ABL2: variants seen among roughly 807,000 people sequenced by gnomAD.
ABL2 encodes the protein ABL proto-oncogene 2, non-receptor tyrosine kinase.
ABL2 carries 49 observed loss-of-function variants against 107.7 expected under a neutral mutation model. The observed-to-expected ratio is 0.45, with a 90% CI of 0.36 to 0.58. The LOEUF is 0.58. Ranked by LOEUF, ABL2 falls within the 20% of genes least tolerant of loss-of-function variation. ABL2 has a pLI of 0.00. For missense variants in ABL2, 1,245 were observed against 1,457.0 expected (o/e 0.85, Z 2.37); for synonymous variants, 549 against 548.6 (o/e 1.00, Z -0.01).
intron 1 of ABL2, among the ~76,000 whole-genome samples, chr1:179,198,716 AC>A (rs1381704250): frequency 1.3e-5 from 2 of 150,674 alleles, no homozygotes; most frequent in Non-Finnish European, 3.0e-5. Flanking sequence ...AAAAAAAAAA[AC>A]AAAGCCACAT....
chr1:179,184,369 C>T (rs187521524), intron 1 of ABL2: 3 of 714,500 alleles, frequency 4.2e-6, no homozygotes, highest in East Asian at 2.9e-5. Context: ...GGAAAGGATG[C>T]GATGAAACAT....
intron 1 of ABL2, among the ~76,000 whole-genome samples, chr1:179,142,510 TAGG>T (rs1402346472): frequency 1.1e-4 from 16 of 152,348 alleles, no homozygotes; most frequent in African/African-American, 3.8e-4. Flanking sequence ...CAGGTAGTAA[TAGG>T]AGAAATTAAT....
chr1:179,118,897 C>T (rs541988818), intron 6 of ABL2, 133 bp from the exon 7 acceptor site: 1 of 931,698 alleles, frequency 1.1e-6, no homozygotes, highest in East Asian at 2.5e-5. Flanking sequence ...CCACCACGTT[C>T]TCTGAAATTA....
In ABL2 at chr1:179,101,996, C is replaced by CTTTTTTTTTTTTTTTTTTTTTTTTT. The variant is rs869095809; in HGVS notation, c.*5697_*5721dup. On this transcript the variant is annotated 3_prime_UTR_variant, in exon 12 of 12. Coordinates refer to ENST00000502732, the MANE Select transcript of ABL2 (RefSeq NM_007314.4). ...AAAAGCAAGCTTTGCATTAGAATTTCTTTTTTTTTTTTTTTTTTTTTTTTT... is the reference window on the plus strand; with the variant it reads ...AAAAGCAAGCTTTGCATTAGAATTTCTTTTTTTTTTTTTTTTTTTTTTTTTTTTTTTTTTTTTTTTTTTTTTTTTT... 8 of 53,886 alleles carry CTTTTTTTTTTTTTTTTTTTTTTTTT rather than the reference C, an allele frequency of 1.5e-4. 3 individuals carry two copies. The highest frequency in any genetic ancestry group is 2.6e-4 in the Non-Finnish European group (8 of 31,258). The allele number at this position is 53,886 out of a possible 1,614,324, so 3.3% of individuals were successfully genotyped here.
rs1173939959 is a variant in ABL2, at chr1:179,201,914, C to T, written c.157+27327G>A. The T allele has an allele frequency of 1.3e-5, 17 of 1,284,046 alleles. No homozygotes were observed. In the East Asian group the frequency reaches 2.4e-4, roughly 18 times the overall value. 79.5% of individuals were successfully genotyped at this position (1,284,046 alleles called of 1,614,324 possible). On this transcript the variant is annotated intron_variant, in intron 1 of 11. Transcript: ENST00000502732. ...TTGAGGAAATGCCCCTCAATGTTGC[C>T]GACCTCATCTGAGGGGCTGTCCTGC... is the stretch of plus-strand genomic sequence containing the variant.
rs1305981443 is a variant in ABL2 at position 179,103,507 on chromosome 1, GGTT to G, written c.*4208_*4210del. ...AGAAAAGGGAATGTAGGACTAACTA[GGTT>G]TTTTAAAAACTCAAGTTGGTATTTC... On this transcript the variant is annotated 3_prime_UTR_variant, in exon 12 of 12. Transcript: ENST00000502732. 4.7e-6 allele frequency: 1 copy of G among 211,048 alleles called. No individual in the cohort carries two copies. Among genetic ancestry groups the G allele is most frequent in the Non-Finnish European group, 9.6e-6 (1 of 104,164 alleles). 13.1% of individuals were successfully genotyped at this position (211,048 alleles called of 1,614,324 possible).
intron 1 of ABL2, among the ~76,000 whole-genome samples, chr1:179,208,697 G>A (rs979041545): frequency 1.3e-5 from 2 of 152,162 alleles, no homozygotes. Flanking sequence ...GTCCTTGTCT[G>A]TAAAGCCAGA....
chr1:179,194,415 AG>A (rs1436223528), intron 1 of ABL2, among the ~76,000 whole-genome samples: 1 of 152,242 alleles, frequency 6.6e-6, no homozygotes, highest in East Asian at 1.9e-4. Flanking sequence ...CTAAAGAGCC[AG>A]GGGTTATCAA....
chr1:179,150,970 A>T, intron 1 of ABL2, among the ~76,000 whole-genome samples: 1 of 152,198 alleles, frequency 6.6e-6, no homozygotes, highest in East Asian at 1.9e-4. Context: ...GTCTCAGATG[A>T]TCATCAGCAT....
intron 1 of ABL2, among the ~76,000 whole-genome samples, chr1:179,219,026 C>A (rs1199530054): frequency 1.3e-5 from 2 of 148,964 alleles, no homozygotes; most frequent in African/African-American, 5.0e-5. Flanking sequence ...CTCACAACTT[C>A]AAGAAGATAA....
chr1:179,108,185 CCA>C lies in ABL2; in HGVS notation c.3080_3081del (p.Leu1027ArgfsTer39), dbSNP rs1653638870. The C allele has an allele frequency of 6.2e-7, 1 of 1,614,062 alleles. No individual in the cohort carries two copies. The highest frequency in any genetic ancestry group is 1.7e-5 in the Admixed American group (1 of 59,998). On this transcript the variant is annotated frameshift_variant, in exon 12 of 12. Coordinates refer to ENST00000502732, the MANE Select transcript of ABL2 (RefSeq NM_007314.4). LOFTEE classifies it high-confidence loss of function. The part of the protein sequence containing the change: ...ETQEGGKKAA[L>X]GAVPISGKAG... Reference sequence around the variant, plus strand: ...GCTTTCCCACTGATGGGCACTGCGCCCAGAGCTGCCTTCTTTCCTCCTTCCTG... The same window carrying C: ...GCTTTCCCACTGATGGGCACTGCGCCGAGCTGCCTTCTTTCCTCCTTCCTG...
chr1:179,101,669 C>T lies in ABL2; in HGVS notation c.*6049G>A. 1 of 179,586 alleles carries T rather than the reference C, an allele frequency of 5.6e-6. No individual in the cohort carries two copies. Among genetic ancestry groups the T allele is most frequent in the Non-Finnish European group, 1.2e-5 (1 of 83,784 alleles). 11.1% of individuals were successfully genotyped at this position (179,586 alleles called of 1,614,324 possible). ...TACAGGCACGAGCCACTGTGCCCAG[C>T]CAAAAGGTATCATCTTGTACATACT... On this transcript the variant is annotated 3_prime_UTR_variant, in exon 12 of 12. Coordinates refer to ENST00000502732, the MANE Select transcript of ABL2 (RefSeq NM_007314.4).
At chr1:179,181,988 G>A (rs924111730) in intron 1 of ABL2, among the ~76,000 whole-genome samples, 2 of 131,638 alleles carry the variant, frequency 1.5e-5, no homozygotes, top group Non-Finnish European at 3.1e-5. Context: ...AGTAGAGACA[G>A]GGTTTCACCA....
Position 179,175,847 on chromosome 1 carries a change from CT to C in ABL2, c.158-42474del, listed in dbSNP as rs777854254. On this transcript the variant is annotated intron_variant, in intron 1 of 11. Transcript: ENST00000502732. ...CTGCTAGACAAGTAGACACATTCTTCTTTTTTTTTTTTTTTTTGAGGAGGGG... is the reference window on the plus strand; with the variant it reads ...CTGCTAGACAAGTAGACACATTCTTCTTTTTTTTTTTTTTTTGAGGAGGGG... Among the ~76,000 whole-genome samples, 985 of 132,170 alleles carry C rather than the reference CT, an allele frequency of 7.5e-3. 7 individuals carry two copies. The highest frequency in any genetic ancestry group is 0.011 in the Non-Finnish European group (670 of 62,926). The allele number at this position is 132,170 out of a possible 152,430, so 86.7% of individuals were successfully genotyped here.
rs550421936 is a variant in ABL2, at chr1:179,112,391, C to T, written c.1569G>A (p.Lys523=). 13 of 1,613,582 alleles carry T rather than the reference C, an allele frequency of 8.1e-6. No homozygotes were observed. The East Asian group carries it at 2.7e-4, about 33-fold the overall frequency. The part of the protein sequence containing the change: ...KVYELMRACW[K]WSPADRPSFA... ...AAGAGGGCCTATCGGCAGGGCTCCA[C>T]TTCCAGCCTATGTAACAGAAGAAAA... Residue 523 remains lysine (K), a synonymous_variant, in exon 10 of 12, where the codon AAG becomes AAA. Coordinates refer to ENST00000502732, the MANE Select transcript of ABL2 (RefSeq NM_007314.4).
chr1:179,136,712 AT>A (rs1211535548), intron 1 of ABL2, among the ~76,000 whole-genome samples: 47 of 127,338 alleles, frequency 3.7e-4, no homozygotes, highest in African/African-American at 1.5e-3. Flanking sequence ...TCAATAAAAA[AT>A]AAATAAATAA....
chr1:179,184,176 G>T, intron 1 of ABL2: 1 of 440,290 alleles, frequency 2.3e-6, no homozygotes, highest in Non-Finnish European at 4.2e-6. Context: ...GGAGGACAAA[G>T]ACGCACTGCA....
At chr1:179,123,293 G>GCC (rs1655400365) in intron 4 of ABL2, among the ~76,000 whole-genome samples, 2 of 151,954 alleles carry the variant, frequency 1.3e-5, no homozygotes, top group Admixed American at 6.6e-5. Context: ...GTCACTTGAG[G>GCC]TCAAGAGTTG....
chr1:179,150,593 G>C (rs1378476379), intron 1 of ABL2, among the ~76,000 whole-genome samples: 1 of 152,212 alleles, frequency 6.6e-6, no homozygotes, highest in African/African-American at 2.4e-5. Flanking sequence ...AGTGGGCAAA[G>C]AAAGTGGTCT....
Sources: allele counts gnomAD v4.1 joint callset (sites outside exome capture counted in the v4.1 genomes callset), GRCh38; gene constraint gnomAD v4.1.1; transcripts MANE v1.5; gene names NCBI Gene and HGNC (gene_info 2026-07-23, HGNC 2026-07-21).